The following TMEM117 variants were observed in gnomAD, a reference collection of about 807,000 sequenced individuals.
TMEM117 encodes transmembrane protein 117.
In TMEM117, 27 loss-of-function variants were observed where a neutral mutation model predicts 52.4. The ratio of observed to expected loss-of-function variants is 0.51; its 90% CI spans 0.38 to 0.71. TMEM117 has a LOEUF of 0.71. TMEM117 is among the 30% of genes least tolerant of loss of function. The pLI, the probability that TMEM117 is intolerant of heterozygous loss-of-function variation, is 0.00. For missense variants in TMEM117, 556 were observed against 630.5 expected, an observed-to-expected ratio of 0.88 and a Z score of 1.26; for synonymous variants, 215 against 206.3, an observed-to-expected ratio of 1.04 and a Z score of -0.36.
chr12:43,827,781 T>A, the TMEM117 span, among the ~76,000 whole-genome samples: 1 of 152,214 alleles, frequency 6.6e-6, no homozygotes, highest in Admixed American at 6.5e-5. Context: ...GAATGTGATC[T>A]TATTTGGAAA....
Position 44,337,114 on chromosome 12 carries a change from T to C in TMEM117, c.768+37375T>C, listed in dbSNP as rs180830078. 9.2e-5 allele frequency among the ~76,000 whole-genome samples: 14 copies of C among 152,136 alleles called. No homozygotes were observed. In the East Asian group the frequency reaches 2.3e-3, roughly 25 times the overall value. On this transcript the variant is annotated intron_variant, in intron 6 of 7. Coordinates refer to ENST00000266534, the MANE Select transcript of TMEM117 (RefSeq NM_032256.3). ...ATTTGTGCTGCCATAACAAAATACC[T>C]GAGGCTAGGCAATTAATAAGAACAA...
intron 5 of TMEM117, among the ~76,000 whole-genome samples, chr12:44,215,843 C>G (rs1214106859): frequency 6.6e-6 from 1 of 151,898 alleles, no homozygotes; most frequent in Non-Finnish European, 1.5e-5. Context: ...TCTTCACCTT[C>G]CAGACACGTA....
intron 4 of TMEM117, among the ~76,000 whole-genome samples, chr12:44,143,877 C>G (rs1229118925): frequency 6.6e-6 from 1 of 152,148 alleles, no homozygotes; most frequent in Non-Finnish European, 1.5e-5. Context: ...CTATCATCTA[C>G]CTATCTAAAC....
intron 3 of TMEM117, among the ~76,000 whole-genome samples, chr12:44,100,849 G>A (rs1947849402): frequency 6.7e-6 from 1 of 149,588 alleles, no homozygotes; most frequent in Non-Finnish European, 1.5e-5. Flanking sequence ...CAGCCTCTGT[G>A]CTACTGCTTG....
chr12:44,178,732 GT>G (rs113242957), intron 4 of TMEM117, among the ~76,000 whole-genome samples: 1 of 151,924 alleles, frequency 6.6e-6, no homozygotes, highest in Non-Finnish European at 1.5e-5. Context: ...TACATTATGG[GT>G]TTTTTCCCCC....
intron 6 of TMEM117, among the ~76,000 whole-genome samples, chr12:44,346,280 T>C (rs560929004): frequency 1.6e-4 from 24 of 152,268 alleles, no homozygotes; most frequent in African/African-American, 5.3e-4. Context: ...TGCAGTGTTC[T>C]ACAAAGTTGG....
intron 3 of TMEM117, among the ~76,000 whole-genome samples, chr12:43,952,278 G>T (rs1279788237): frequency 6.6e-6 from 1 of 152,088 alleles, no homozygotes; most frequent in African/African-American, 2.4e-5. Context: ...ACAGAACAGG[G>T]CTGAAGCTGA....
At chr12:43,971,306 C>G (rs532025940) in intron 3 of TMEM117, among the ~76,000 whole-genome samples, 5 of 152,260 alleles carry the variant, frequency 3.3e-5, no homozygotes, top group Admixed American at 3.3e-4. Context: ...GTCCTGGCTT[C>G]TAACTGTTCA....
chr12:44,212,399 C>T (rs1415081155), intron 5 of TMEM117, among the ~76,000 whole-genome samples: 1 of 151,940 alleles, frequency 6.6e-6, no homozygotes, highest in Non-Finnish European at 1.5e-5. Context: ...TAATGATGGC[C>T]CCAAAGCACA....
chr12:44,227,827 A>G (rs534937523), intron 5 of TMEM117, among the ~76,000 whole-genome samples: 14 of 152,190 alleles, frequency 9.2e-5, no homozygotes, highest in African/African-American at 3.1e-4. Context: ...TGATCTCCTC[A>G]AGGGCAGTGA....
intron 6 of TMEM117, among the ~76,000 whole-genome samples, chr12:44,308,610 T>C (rs1950933073): frequency 6.6e-6 from 1 of 150,802 alleles, no homozygotes; most frequent in South Asian, 2.1e-4. Flanking sequence ...ATGGACTGAT[T>C]CTTTGTAACT....
rs73272276 is a variant in TMEM117, at chr12:44,218,875, A to G, written c.608+7488A>G. Among the ~76,000 whole-genome samples, 769 of 152,154 alleles carry G rather than the reference A, an allele frequency of 5.1e-3. 6 individuals are homozygous for G. The highest frequency in any genetic ancestry group is 0.018 in the African/African-American group (727 of 41,528). ...ACTGCCACTCTTCATGGTAATTATC[A>G]TTATTAGCTGTATTTTAAAGACAAA... is the stretch of plus-strand genomic sequence containing the variant. On this transcript the variant is annotated intron_variant, in intron 5 of 7. Transcript: ENST00000266534.
the TMEM117 span, among the ~76,000 whole-genome samples, chr12:43,819,102 C>T: frequency 6.6e-6 from 1 of 152,196 alleles, no homozygotes; most frequent in South Asian, 2.1e-4. Context: ...GATTAAGTCA[C>T]CAAATACATG....
At chr12:44,017,710 C>A (rs1272692100) in intron 3 of TMEM117, among the ~76,000 whole-genome samples, 1 of 152,104 alleles carries the variant, frequency 6.6e-6, no homozygotes, top group African/African-American at 2.4e-5. Flanking sequence ...CCCTCTCCAC[C>A]ACTTCAAAAT....
intron 3 of TMEM117, among the ~76,000 whole-genome samples, chr12:44,100,756 C>G (rs1947847412): frequency 6.6e-6 from 1 of 151,958 alleles, no homozygotes; most frequent in Non-Finnish European, 1.5e-5. Flanking sequence ...AGGTTTTCTT[C>G]TGCATCTCCA....
Position 44,243,399 on chromosome 12 carries a change from CA to C in TMEM117, c.608+32013del, listed in dbSNP as rs145371480. ...TTAGAAAGCTATACCTGAGAGTTTA[CA>C]CACTCCTGAAAATGTAAAAATTAGA... On this transcript the variant is annotated intron_variant, in intron 5 of 7. Transcript: ENST00000266534. Among the ~76,000 whole-genome samples the C allele has an allele frequency of 5.6e-4, 85 of 151,900 alleles. 1 individual carries two copies. The highest frequency in any genetic ancestry group is 2.0e-3 in the African/African-American group (83 of 41,494).
intron 3 of TMEM117, among the ~76,000 whole-genome samples, chr12:43,989,443 A>AT (rs1163663056): frequency 1.3e-4 from 20 of 151,276 alleles, no homozygotes; most frequent in African/African-American, 3.9e-4. Flanking sequence ...CTACTGCTAC[A>AT]TTTTTTTTTA....
chr12:43,862,714 A>G (rs1243503393), intron 2 of TMEM117, among the ~76,000 whole-genome samples: 2 of 152,242 alleles, frequency 1.3e-5, no homozygotes, highest in Non-Finnish European at 1.5e-5. Context: ...TGGTTAGGTT[A>G]GCTCCCTCAG....
intron 3 of TMEM117, among the ~76,000 whole-genome samples, chr12:44,082,602 A>G: frequency 6.6e-6 from 1 of 152,136 alleles, no homozygotes; most frequent in East Asian, 1.9e-4. Context: ...AGTAAGGGAG[A>G]AAAATTGGAA....
Sources: allele counts gnomAD v4.1 joint callset (sites outside exome capture counted in the v4.1 genomes callset), GRCh38; gene constraint gnomAD v4.1.1; transcripts MANE v1.5; gene names NCBI Gene and HGNC (gene_info 2026-07-23, HGNC 2026-07-21).